Variants in PLEKHG1 observed in about 807,000 individuals in gnomAD.
PLEKHG1 encodes pleckstrin homology domain-containing family G member 1.
Under a neutral mutation model 100.8 loss-of-function variants are expected in PLEKHG1, and 44 were observed. The observed-to-expected ratio is 0.44, with a 90% CI of 0.34 to 0.56. The LOEUF (loss-of-function observed/expected upper bound fraction) is 0.56. Ranked by LOEUF, PLEKHG1 falls within the 20% of genes least tolerant of loss-of-function variation. The pLI is 0.01. For missense variants in PLEKHG1, 1,545 were observed against 1,720.9 expected (o/e 0.90, Z 1.81); for synonymous variants, 640 against 662.5 (o/e 0.97, Z 0.52).
At chr6:150,722,351 T>TA (rs1339995452) in intron 1 of PLEKHG1, among the ~76,000 whole-genome samples, 645 of 17,066 alleles carry the variant, frequency 0.038, 9 homozygotes, top group African/African-American at 0.065. Context: ...TTTCTTTTCT[T>TA]TTTTTTTTTT....
At chr6:150,722,877 G>A (rs563829107) in intron 1 of PLEKHG1, among the ~76,000 whole-genome samples, 44 of 152,262 alleles carry the variant, frequency 2.9e-4, no homozygotes, top group African/African-American at 9.9e-4. Flanking sequence ...TTTAGTTACT[G>A]CCTTGAGACT....
intron 2 of PLEKHG1, among the ~76,000 whole-genome samples, chr6:150,768,011 G>A (rs755866776): frequency 6.6e-6 from 1 of 152,114 alleles, no homozygotes; most frequent in Non-Finnish European, 1.5e-5. Context: ...AGCTATGTCA[G>A]TTTAACCCAC....
At chr6:150,774,103 T>C (rs550962224) in intron 3 of PLEKHG1, among the ~76,000 whole-genome samples, 2 of 152,340 alleles carry the variant, frequency 1.3e-5, no homozygotes, top group African/African-American at 4.8e-5. Context: ...ATAGATCTCT[T>C]GGATTTCTGT....
chr6:150,635,399 G>A (rs528158087), intron 1 of PLEKHG1, among the ~76,000 whole-genome samples: 13 of 152,288 alleles, frequency 8.5e-5, no homozygotes, highest in Middle Eastern at 3.4e-3. Flanking sequence ...TTTTAGGAGT[G>A]TAGTTCTGTT....
At chr6:150,841,011 TG>T (rs1777504589) in exon 16 of PLEKHG1, 3 of 833,814 alleles carry the variant, frequency 3.6e-6, no homozygotes, top group Non-Finnish European at 6.1e-6. Flanking sequence ...GAACCAGAGG[TG>T]TAAAATATAC....
chr6:150,754,998 T>G (rs1783747830), intron 2 of PLEKHG1, among the ~76,000 whole-genome samples: 2 of 149,722 alleles, frequency 1.3e-5, no homozygotes, highest in African/African-American at 4.9e-5. Flanking sequence ...TTTTTTGAGA[T>G]AGGATCTCGC....
intron 1 of PLEKHG1, among the ~76,000 whole-genome samples, chr6:150,602,655 G>GAAGCACA: frequency 6.6e-6 from 1 of 152,076 alleles, no homozygotes; most frequent in African/African-American, 2.4e-5. Context: ...GGCACATATG[G>GAAGCACA]TGTGCTTTGA....
chr6:150,769,260 A>G (rs1275856683), intron 3 of PLEKHG1, among the ~76,000 whole-genome samples: 1 of 152,202 alleles, frequency 6.6e-6, no homozygotes, highest in Admixed American at 6.5e-5. Context: ...AGAGTGAATG[A>G]ATAAGTTATT....
chr6:150,734,609 A>C (rs1782467695), intron 2 of PLEKHG1, among the ~76,000 whole-genome samples: 1 of 152,102 alleles, frequency 6.6e-6, no homozygotes, highest in South Asian at 2.1e-4. Context: ...AGGTGATTTT[A>C]ATGTGCAGAG....
chr6:150,732,278 A>T (rs74561792), intron 1 of PLEKHG1, among the ~76,000 whole-genome samples: 2 of 152,142 alleles, frequency 1.3e-5, no homozygotes, highest in East Asian at 3.8e-4. Context: ...TGCGTCATAT[A>T]ATTACATGAT....
intron 2 of PLEKHG1, among the ~76,000 whole-genome samples, chr6:150,643,878 C>T (rs1778372494): frequency 6.6e-6 from 1 of 151,832 alleles, no homozygotes; most frequent in Non-Finnish European, 1.5e-5. Flanking sequence ...AGGATTTTTT[C>T]CCCCTAAGTG....
At chr6:150,837,034 T>C (rs151094474) in intron 15 of PLEKHG1, among the ~76,000 whole-genome samples, 8,410 of 152,012 alleles carry the variant, frequency 0.055, 308 homozygotes, top group African/African-American at 0.096. Flanking sequence ...TGGTGGTGGG[T>C]GCCTGTAGTC....
chr6:150,771,480 G>A (rs1018914544), intron 3 of PLEKHG1, among the ~76,000 whole-genome samples: 7 of 152,012 alleles, frequency 4.6e-5, no homozygotes, highest in East Asian at 1.9e-4. Flanking sequence ...TCTTTGCAGT[G>A]GACCCCCGTC....
intron 10 of PLEKHG1, among the ~76,000 whole-genome samples, chr6:150,817,855 C>G (rs919568580): frequency 2.6e-5 from 4 of 151,994 alleles, no homozygotes; most frequent in African/African-American, 4.8e-5. Flanking sequence ...AGCTACCGCG[C>G]CCAGCCGAGA....
At chr6:150,763,718 G>A (rs1784304545) in intron 2 of PLEKHG1, among the ~76,000 whole-genome samples, 1 of 152,216 alleles carries the variant, frequency 6.6e-6, no homozygotes, top group African/African-American at 2.4e-5. Flanking sequence ...CTTCTCTGCA[G>A]AGGGAGCAGC....
chr6:150,624,524 C>T (rs1335368720), intron 1 of PLEKHG1, among the ~76,000 whole-genome samples: 1 of 152,190 alleles, frequency 6.6e-6, no homozygotes, highest in Non-Finnish European at 1.5e-5. Context: ...TTGCAAAGTA[C>T]AGTAGGGTGA....
At chr6:150,640,662 A>G (rs1273060227) in intron 2 of PLEKHG1, among the ~76,000 whole-genome samples, 1 of 152,164 alleles carries the variant, frequency 6.6e-6, no homozygotes, top group African/African-American at 2.4e-5. Context: ...TGTAAGATAC[A>G]TGGTGTTTCA....
At chr6:150,784,988 A>C (rs1271445437) in intron 3 of PLEKHG1, among the ~76,000 whole-genome samples, 1 of 151,906 alleles carries the variant, frequency 6.6e-6, no homozygotes, top group East Asian at 1.9e-4. Flanking sequence ...ACTTGAGCCC[A>C]GGAAGACCTG....
intron 1 of PLEKHG1, among the ~76,000 whole-genome samples, chr6:150,607,646 G>A (rs1184486785): frequency 6.6e-6 from 1 of 152,212 alleles, no homozygotes; most frequent in East Asian, 1.9e-4. Context: ...TACTGAGTGG[G>A]TGGTAGGGGT....
Sources: gnomAD v4.1 joint callset for allele counts (sites outside exome capture counted in the v4.1 genomes callset) on GRCh38, gnomAD v4.1.1 for gene constraint, MANE v1.5 for transcripts, NCBI Gene and HGNC (gene_info 2026-07-23, HGNC 2026-07-21) for gene names.